The following ZFP62 variants were observed in gnomAD, a reference collection of about 807,000 sequenced individuals.
ZFP62 encodes the protein zinc finger protein 62 homolog.
ZFP62 carries 44 observed loss-of-function variants against 56.4 expected under a neutral mutation model. That is an observed-to-expected ratio of 0.78 (90% CI 0.61 to 1.00). ZFP62 has a LOEUF of 1.00. Ranked by LOEUF, ZFP62 falls within the 50% of genes least tolerant of loss-of-function variation. The probability of loss-of-function intolerance (pLI) is 0.00; values close to 1 mark genes in which losing one functional copy is unlikely to be tolerated. For missense variants in ZFP62, 1,030 were observed against 1,085.7 expected (o/e 0.95, Z 0.72); for synonymous variants, 421 against 388.9 (o/e 1.08, Z -0.97).
chr5:180,840,998 T>C, the ZFP62 span, among the ~76,000 whole-genome samples: 4 of 152,006 alleles, frequency 2.6e-5, no homozygotes, highest in Admixed American at 2.6e-4. Context: ...TGTGCTGAGG[T>C]TTTTTTGTTT....
chr5:180,846,920 G>A (rs544406947), downstream of ZFP62, among the ~76,000 whole-genome samples: 10 of 152,324 alleles, frequency 6.6e-5, 1 homozygote, highest in East Asian at 1.9e-3. Flanking sequence ...AGGATAGAGA[G>A]CAAGTATGAT....
Position 180,848,575 on chromosome 5 carries a change from G to A in ZFP62, c.*217C>T. ...ACTCAGATCTAAGTTTTTCTCTCAA[G>A]TATGGACTGTTTTATATCCTGTAAG... On this transcript the variant is annotated 3_prime_UTR_variant, in exon 2 of 2. Coordinates refer to ENST00000502412, the MANE Select transcript of ZFP62 (RefSeq NM_001172638.2). 7.9e-7 allele frequency: 1 copy of A among 1,268,944 alleles called. No individual in the cohort carries two copies. Among genetic ancestry groups the A allele is most frequent in the Non-Finnish European group, 9.9e-7 (1 of 1,007,982 alleles). The allele number at this position is 1,268,944 out of a possible 1,614,324, so 78.6% of individuals were successfully genotyped here.
chr5:180,833,740 G>T, the ZFP62 span, among the ~76,000 whole-genome samples: 2 of 149,882 alleles, frequency 1.3e-5, no homozygotes, highest in East Asian at 2.0e-4. Flanking sequence ...GCACGATCTC[G>T]GCTCACTGCA....
At chr5:180,840,479 C>T in the ZFP62 span, among the ~76,000 whole-genome samples, 1 of 152,144 alleles carries the variant, frequency 6.6e-6, no homozygotes, top group African/African-American at 2.4e-5. Flanking sequence ...GCTAAAATGG[C>T]TGGGCATGGT....
In ZFP62 at chr5:180,847,678, CAAAG is replaced by C. The variant is rs1773456856; in HGVS notation, c.*1110_*1113del. ...CGCCACAAGGAGCTGGCTTTCATGACAAAGAGAGAGTGAGCCCTGAACAAAGTAT... is the reference window on the plus strand; with the variant it reads ...CGCCACAAGGAGCTGGCTTTCATGACAGAGAGTGAGCCCTGAACAAAGTAT... On this transcript the variant is annotated 3_prime_UTR_variant, in exon 2 of 2. Transcript: ENST00000502412. 8.1e-6 allele frequency: 8 copies of C among 985,322 alleles called. No individual in the cohort carries two copies. The highest frequency in any genetic ancestry group is 9.6e-6 in the Non-Finnish European group (8 of 829,940). 61.0% of individuals were successfully genotyped at this position (985,322 alleles called of 1,614,324 possible).
chr5:180,837,345 TTC>T, the ZFP62 span, among the ~76,000 whole-genome samples: 4 of 152,226 alleles, frequency 2.6e-5, no homozygotes, highest in African/African-American at 9.6e-5. Flanking sequence ...ATCACATTTC[TTC>T]TGTTTTGTGG....
At chr5:180,829,480 C>T in the ZFP62 span, among the ~76,000 whole-genome samples, 5,575 of 152,298 alleles carry the variant, frequency 0.037, 291 homozygotes, top group African/African-American at 0.12. Context: ...ATGTCACCCC[C>T]GGTGGCCCAG....
Position 180,849,631 on chromosome 5 carries a change from ACACAT to A in ZFP62, c.1859_1863del (p.Asp620ValfsTer2), listed in dbSNP as rs1401632304. On this transcript the variant is annotated frameshift_variant, in exon 2 of 2. Transcript: ENST00000502412. LOFTEE classifies it high-confidence loss of function. ...GATGTGTAATTAAAAGATTTCTCAC[ACACAT>A]CACATTTGTAGGGCTTCTCCCCAAG... The A allele has an allele frequency of 1.2e-5, 19 of 1,551,756 alleles. No individual in the cohort carries two copies. The highest frequency in any genetic ancestry group is 1.6e-5 in the Non-Finnish European group (18 of 1,147,046).
At chr5:180,827,874 A>C in the ZFP62 span, among the ~76,000 whole-genome samples, 1 of 152,236 alleles carries the variant, frequency 6.6e-6, no homozygotes, top group Non-Finnish European at 1.5e-5. Context: ...TGCGGGCAGC[A>C]ATACTGCTTT....
rs144689310 is a variant in ZFP62, at chr5:180,856,237, T to C, written c.2-4744A>G. ...CATGATGTCCCGTCACCTGATGTAG[T>C]TCATCCAATCCTCTTCTTGAGTGAA... On this transcript the variant is annotated intron_variant, in intron 1 of 1. Coordinates refer to ENST00000502412, the MANE Select transcript of ZFP62 (RefSeq NM_001172638.2). 5.4e-3 allele frequency among the ~76,000 whole-genome samples: 823 copies of C among 152,314 alleles called. 6 individuals carry two copies. Among genetic ancestry groups the C allele is most frequent in the African/African-American group, 0.019 (781 of 41,562 alleles).
At chr5:180,853,899 G>C (rs1196107627) in intron 1 of ZFP62, among the ~76,000 whole-genome samples, 1 of 152,184 alleles carries the variant, frequency 6.6e-6, no homozygotes, top group Non-Finnish European at 1.5e-5. Flanking sequence ...ATAAGCAAGA[G>C]AAGAAGGCGA....
rs1773480302 is a variant in ZFP62, at chr5:180,848,086, TAAAAA to T, written c.*701_*705del. The T allele has an allele frequency of 2.0e-6, 2 of 982,878 alleles. No homozygotes were observed. Among genetic ancestry groups the T allele is most frequent in the African/African-American group, 3.6e-5 (2 of 54,962 alleles). The allele number at this position is 982,878 out of a possible 1,614,324, so 60.9% of individuals were successfully genotyped here. A position where few individuals can be genotyped will look rare whatever the true frequency, so the allele number is the denominator to read the frequency against. On this transcript the variant is annotated 3_prime_UTR_variant, in exon 2 of 2. Transcript: ENST00000502412. Reference sequence around the variant, plus strand: ...CATTATGGGAGTTCATCTGAAACTTTAAAAAAGTTTCATCCATTCAACTAATGTAT... The same window carrying T: ...CATTATGGGAGTTCATCTGAAACTTTAGTTTCATCCATTCAACTAATGTAT...
At chr5:180,828,486 G>A in the ZFP62 span, among the ~76,000 whole-genome samples, 1 of 152,162 alleles carries the variant, frequency 6.6e-6, no homozygotes, top group African/African-American at 2.4e-5. Flanking sequence ...TGTGGCAGAA[G>A]AACATAAATT....
the ZFP62 span, chr5:180,834,781 G>T: frequency 1.3e-5 from 2 of 152,224 alleles, no homozygotes; most frequent in Non-Finnish European, 2.9e-5. Flanking sequence ...GATAGTTTTA[G>T]GTGTCAACTT....
In ZFP62 at chr5:180,850,947, C is replaced by G. The variant is rs1358537517; in HGVS notation, c.548G>C (p.Ser183Thr). 1.3e-6 allele frequency: 2 copies of G among 1,555,538 alleles called. No homozygotes were observed. The highest frequency in any genetic ancestry group is 1.7e-6 in the Non-Finnish European group (2 of 1,149,730). Residue 183 changes from serine to threonine, a missense_variant, in exon 2 of 2, where the codon AGC becomes ACC. Coordinates refer to ENST00000502412, the MANE Select transcript of ZFP62 (RefSeq NM_001172638.2). ...GTGGATCCGTTTGTGGACCCGAAGG[C>G]TCGAGCTGCTCCGGAAAGTCCCTCC... is the stretch of plus-strand genomic sequence containing the variant. The part of the protein sequence containing the change: ...DCGGTFRSSS[S>T]LRVHKRIHTG...
At chr5:180,853,907 C>T (rs999905897) in intron 1 of ZFP62, among the ~76,000 whole-genome samples, 11 of 152,178 alleles carry the variant, frequency 7.2e-5, no homozygotes, top group African/African-American at 2.7e-4. Context: ...GAGAAGAAGG[C>T]GAAAATGAAC....
Position 180,861,261 on chromosome 5 carries a change from A to G in ZFP62, c.-42T>C, listed in dbSNP as rs971212752. The G allele has an allele frequency of 1.3e-5, 5 of 397,492 alleles. No homozygotes were observed. Among genetic ancestry groups the G allele is most frequent in the African/African-American group, 4.1e-5 (2 of 48,568 alleles). The allele number at this position is 397,492 out of a possible 1,614,324, so 24.6% of individuals were successfully genotyped here. A position where few individuals can be genotyped will look rare whatever the true frequency, so the allele number is the denominator to read the frequency against. On this transcript the variant is annotated 5_prime_UTR_variant, in exon 1 of 2. Coordinates refer to ENST00000502412, the MANE Select transcript of ZFP62 (RefSeq NM_001172638.2). The stretch of plus-strand genomic sequence containing the variant: ...CGGGAACCCGGCCGCCAGCGGGACA[A>G]AAGCGCGGACCGCACGGCCGGAAGA...
At chr5:180,859,236 C>T (rs1222135736) in intron 1 of ZFP62, among the ~76,000 whole-genome samples, 1 of 152,210 alleles carries the variant, frequency 6.6e-6, no homozygotes, top group African/African-American at 2.4e-5. Context: ...TCAAGGTTCA[C>T]GCGTGGATTC....
In ZFP62 at chr5:180,850,310, A is replaced by G; in HGVS notation, c.1185T>C (p.Cys395=). The G allele has an allele frequency of 6.4e-7, 1 of 1,566,986 alleles. No homozygotes were observed. Among genetic ancestry groups the G allele is most frequent in the Non-Finnish European group, 8.7e-7 (1 of 1,155,914 alleles). Residue 395 remains cysteine, a synonymous_variant, in exon 2 of 2, where the codon TGT becomes TGC. Transcript: ENST00000502412. ...AGCTGAATGCTTTGCCACAGACATCACACTTGTAAGGTTTCTCTCCTGTGT... is the reference window on the plus strand; with the variant it reads ...AGCTGAATGCTTTGCCACAGACATCGCACTTGTAAGGTTTCTCTCCTGTGT... ...RIHTGEKPYK[C]DVCGKAFSYS... is the part of the protein sequence containing the mutation.
Sources: gnomAD v4.1 joint callset for allele counts (sites outside exome capture counted in the v4.1 genomes callset) on GRCh38, gnomAD v4.1.1 for gene constraint, MANE v1.5 for transcripts, NCBI Gene and HGNC (gene_info 2026-07-23, HGNC 2026-07-21) for gene names.